The following SLAMF6 variants were observed in gnomAD, a reference collection of about 807,000 sequenced individuals.
SLAMF6 encodes the protein NK-T-B-antigen.
In SLAMF6, 21 loss-of-function variants were observed where a neutral mutation model predicts 38.3. The observed-to-expected ratio is 0.55, with a 90% CI of 0.39 to 0.79. The LOEUF is 0.79. SLAMF6 is among the 30% of genes least tolerant of loss of function. SLAMF6 has a pLI of 0.00. For synonymous variants in SLAMF6, 152 were observed against 146.3 expected (o/e 1.04, Z -0.28); for missense variants, 341 against 385.3 (o/e 0.89, Z 0.96).
chr1:160,500,221 A>G (rs745476688), intron 1 of SLAMF6, among the ~76,000 whole-genome samples: 5 of 152,220 alleles, frequency 3.3e-5, no homozygotes, highest in Admixed American at 2.0e-4. Flanking sequence ...TTCTCTTTGT[A>G]TTTCAGTTTA....
At chr1:160,489,287 C>T (rs764729864) in intron 5 of SLAMF6, 117 bp from the exon 6 acceptor site, 1 of 918,996 alleles carries the variant, frequency 1.1e-6, no homozygotes, top group Non-Finnish European at 1.8e-6. Context: ...GAAGCATCTC[C>T]TTTCCTGAGG....
At chr1:160,498,934 A>G (rs1653738180) in intron 1 of SLAMF6, among the ~76,000 whole-genome samples, 1 of 151,954 alleles carries the variant, frequency 6.6e-6, no homozygotes, top group South Asian at 2.1e-4. Context: ...TTATTGGTTT[A>G]AGCTCCTTAT....
intron 1 of SLAMF6, among the ~76,000 whole-genome samples, chr1:160,513,048 G>A (rs905814107): frequency 6.6e-6 from 1 of 152,120 alleles, no homozygotes; most frequent in Non-Finnish European, 1.5e-5. Context: ...TCAGAAGGTG[G>A]GTAATAATGA....
At position 160,491,177 on chromosome 1, in the gene SLAMF6, C is replaced by A; in HGVS notation, c.594G>T (p.Glu198Asp). ...AGAAGGATAAATTACTGACAGCATT[C>A]TCTGCTATGCAGGTGTAGTCCTGTT... is the stretch of plus-strand genomic sequence containing the variant. ...SSEQDYTCIA[E>D]NAVSNLSFSV... Residue 198 changes from glutamate to aspartate, a missense_variant, in exon 3 of 8, where the codon GAG (glutamate) becomes GAT (aspartate). Transcript: ENST00000368057. The A allele has an allele frequency of 6.2e-7, 1 of 1,614,074 alleles. No homozygotes were observed.
Position 160,506,786 on chromosome 1 carries a change from G to A in SLAMF6, c.50-10393C>T, listed in dbSNP as rs1411465203. The stretch of plus-strand genomic sequence containing the variant: ...AAGGCAGCAGAATGAAACAACATTG[G>A]AGCACAGTGTTTGTATATTATTGAA... On this transcript the variant is annotated intron_variant, in intron 1 of 7. Coordinates refer to ENST00000368057, the MANE Select transcript of SLAMF6 (RefSeq NM_001184714.2). Among the ~76,000 whole-genome samples, 4 of 152,146 alleles carry A rather than the reference G, an allele frequency of 2.6e-5. No individual in the cohort carries two copies. In the East Asian group the frequency reaches 7.7e-4, roughly 29 times the overall value.
At chr1:160,491,015 C>A (rs1425932327) in intron 3 of SLAMF6, 110 bp downstream of exon 3, 3 of 1,380,548 alleles carry the variant, frequency 2.2e-6, no homozygotes, top group Non-Finnish European at 3.0e-6. Flanking sequence ...CCCCTCCCAG[C>A]AGCATTTTCT....
At chr1:160,487,075 A>G (rs1392693258) in intron 7 of SLAMF6, 29 bp downstream of exon 7, 4 of 1,561,340 alleles carry the variant, frequency 2.6e-6, no homozygotes, top group Non-Finnish European at 3.5e-6. Context: ...AGGTAAGAAT[A>G]TAAAAACATG....
chr1:160,515,967 C>G (rs1221465781), intron 1 of SLAMF6, among the ~76,000 whole-genome samples: 1 of 152,148 alleles, frequency 6.6e-6, no homozygotes, highest in East Asian at 1.9e-4. Context: ...CCTCTCTCAC[C>G]ACTCCTATTC....
intron 1 of SLAMF6, among the ~76,000 whole-genome samples, chr1:160,513,965 T>C (rs1380108665): frequency 2.0e-5 from 3 of 152,094 alleles, no homozygotes; most frequent in Non-Finnish European, 4.4e-5. Context: ...TCAATAAGTC[T>C]GCAAAATAAC....
intron 1 of SLAMF6, among the ~76,000 whole-genome samples, chr1:160,497,516 T>A (rs1308315563): frequency 6.6e-6 from 1 of 152,130 alleles, no homozygotes; most frequent in Admixed American, 6.6e-5. Flanking sequence ...TTCTTAAAAA[T>A]TTCAACTTTT....
At chr1:160,490,127 A>G (rs1325170835) in intron 5 of SLAMF6, 71 bp downstream of exon 5, 2 of 1,535,376 alleles carry the variant, frequency 1.3e-6, no homozygotes, top group African/African-American at 1.4e-5. Flanking sequence ...GCCCTCTGCC[A>G]TCCCCCTCTC....
intron 1 of SLAMF6, among the ~76,000 whole-genome samples, chr1:160,509,048 T>A (rs1005643388): frequency 6.6e-6 from 1 of 152,192 alleles, no homozygotes; most frequent in Admixed American, 6.5e-5. Flanking sequence ...ACTTTTACAA[T>A]GTTGGTGGGA....
intron 1 of SLAMF6, among the ~76,000 whole-genome samples, chr1:160,500,826 T>A (rs750568442): frequency 2.4e-4 from 36 of 152,280 alleles, no homozygotes; most frequent in Non-Finnish European, 4.4e-4. Flanking sequence ...AAAGCTCAGT[T>A]CCTTTTGGTA....
At chr1:160,513,766 T>G (rs941125876) in intron 1 of SLAMF6, among the ~76,000 whole-genome samples, 70 of 152,064 alleles carry the variant, frequency 4.6e-4, no homozygotes, top group Non-Finnish European at 1.2e-4. Flanking sequence ...CAAATGAAGC[T>G]TCATAAGCAA....
chr1:160,520,614 C>T (rs951269030), intron 1 of SLAMF6, among the ~76,000 whole-genome samples: 18 of 152,110 alleles, frequency 1.2e-4, no homozygotes, highest in Non-Finnish European at 4.4e-5. Context: ...AGTCATGATG[C>T]TTGATTTTAT....
At chr1:160,504,460 A>G (rs1202618033) in intron 1 of SLAMF6, among the ~76,000 whole-genome samples, 1 of 152,146 alleles carries the variant, frequency 6.6e-6, no homozygotes, top group African/African-American at 2.4e-5. Flanking sequence ...TTTTTCTCCA[A>G]CTTGATAGCA....
intron 1 of SLAMF6, among the ~76,000 whole-genome samples, chr1:160,496,791 C>G (rs987499201): frequency 8.5e-5 from 13 of 152,158 alleles, no homozygotes; most frequent in African/African-American, 2.9e-4. Flanking sequence ...TAATTAAAGC[C>G]TGATATTTAC....
Position 160,501,265 on chromosome 1 carries a change from A to C in SLAMF6, c.50-4872T>G, listed in dbSNP as rs143631928. On this transcript the variant is annotated intron_variant, in intron 1 of 7. Coordinates refer to ENST00000368057, the MANE Select transcript of SLAMF6 (RefSeq NM_001184714.2). ...ATACTGTCAGTCCTCTGGGTCCATC[A>C]TCTGATAGAGGAGCCTGACAGGTAA... 8.5e-5 allele frequency among the ~76,000 whole-genome samples: 13 copies of C among 152,296 alleles called. No homozygotes were observed. The South Asian group carries it at 2.3e-3, about 27-fold the overall frequency.
At chr1:160,494,260 AAGAGATCAGCATTG>A (rs1398261791) in intron 2 of SLAMF6, among the ~76,000 whole-genome samples, 1 of 152,184 alleles carries the variant, frequency 6.6e-6, no homozygotes, top group East Asian at 1.9e-4. Flanking sequence ...AAAGCCCTGA[AAGAGATCAGCATTG>A]AGCCTCAAGA....
Sources: allele counts gnomAD v4.1 joint callset (sites outside exome capture counted in the v4.1 genomes callset), GRCh38; gene constraint gnomAD v4.1.1; transcripts MANE v1.5; gene names NCBI Gene and HGNC (gene_info 2026-07-23, HGNC 2026-07-21).